The following CDK15 variants were observed in gnomAD, a reference collection of about 807,000 sequenced individuals.
CDK15 encodes the protein cyclin-dependent kinase 15.
In CDK15, 62 loss-of-function variants were observed where a neutral mutation model predicts 60.3. The ratio of observed to expected loss-of-function variants is 1.03; its 90% CI spans 0.84 to 1.27. The LOEUF is 1.27. Ranked by LOEUF, CDK15 falls within the 50% of genes most tolerant of loss-of-function variation. The probability of loss-of-function intolerance (pLI) is 0.00; values close to 1 mark genes in which losing one functional copy is unlikely to be tolerated. For missense variants in CDK15, 541 were observed against 527.8 expected (o/e 1.03, Z -0.25); for synonymous variants, 194 against 195.7 (o/e 0.99, Z 0.07).
intron 8 of CDK15, among the ~76,000 whole-genome samples, chr2:201,837,303 C>CAGAGAGAGAGAG (rs112414025): frequency 8.1e-6 from 1 of 123,598 alleles, no homozygotes; most frequent in Non-Finnish European, 1.7e-5. Flanking sequence ...AAGAAAGAAA[C>CAGAGAGAGAGAG]AGAGAGAGAG....
At chr2:201,828,530 C>T (rs1030316922) in intron 6 of CDK15, among the ~76,000 whole-genome samples, 6 of 100,398 alleles carry the variant, frequency 6.0e-5, no homozygotes, top group Non-Finnish European at 8.4e-5. Context: ...ATCAGGAATA[C>T]AGCTAAAAGT....
rs1231737320 is a variant in CDK15 at position 201,847,472 on chromosome 2, G to T, written c.943G>T (p.Glu315Ter). The change falls in exon 9 of 14, where the codon GAG becomes TAG. Residue 315 changes from glutamate (E) to a stop codon, truncating the protein, a stop_gained and splice_region_variant. Transcript: ENST00000652192. LOFTEE classifies it high-confidence loss of function. ...NILEQLEKIW[E>*]VLGVPTEDTW... ...CCTTGAACAGCTGGAGAAAATCTGG[G>T]AGGTAGGAGAATAATTCTTCTAAAG... The T allele has an allele frequency of 6.2e-7, 1 of 1,613,126 alleles. No individual in the cohort carries two copies. The highest frequency in any genetic ancestry group is 8.5e-7 in the Non-Finnish European group (1 of 1,179,342).
chr2:201,871,881 T>A (rs1159889125), intron 10 of CDK15, among the ~76,000 whole-genome samples: 2 of 152,018 alleles, frequency 1.3e-5, no homozygotes, highest in Non-Finnish European at 2.9e-5. Flanking sequence ...TCTCTTCGCC[T>A]CACCTTCTCT....
At chr2:201,885,225 CTTAG>C (rs1254358831) in intron 12 of CDK15, among the ~76,000 whole-genome samples, 1 of 152,192 alleles carries the variant, frequency 6.6e-6, no homozygotes, top group Non-Finnish European at 1.5e-5. Flanking sequence ...ACTAATCAAG[CTTAG>C]TTTCACTCTG....
chr2:201,851,418 C>T (rs1009119958), intron 9 of CDK15, among the ~76,000 whole-genome samples: 14 of 151,904 alleles, frequency 9.2e-5, no homozygotes, highest in Non-Finnish European at 1.3e-4. Context: ...AAGTTAGTGC[C>T]TTGTCGCTGC....
At chr2:201,833,804 G>T (rs185846952) in intron 6 of CDK15, 44 bp from the exon 7 acceptor site, 1 of 1,586,620 alleles carries the variant, frequency 6.3e-7, no homozygotes, top group Non-Finnish European at 8.6e-7. Flanking sequence ...AAATCAGCAC[G>T]TGGTGGCTCA....
chr2:201,862,041 C>T (rs772640059), intron 10 of CDK15, among the ~76,000 whole-genome samples: 21 of 152,306 alleles, frequency 1.4e-4, no homozygotes, highest in Non-Finnish European at 2.8e-4. Flanking sequence ...TGGCCTAAAC[C>T]TTGCCTGAAT....
At chr2:201,860,362 G>T (rs1383119406) in intron 10 of CDK15, among the ~76,000 whole-genome samples, 1 of 152,184 alleles carries the variant, frequency 6.6e-6, no homozygotes, top group Non-Finnish European at 1.5e-5. Context: ...CAATGCATTT[G>T]CCAAATTGGC....
At chr2:201,807,772 C>A (rs1695579660) in intron 2 of CDK15, 86 bp from the exon 3 acceptor site, 2 of 1,546,718 alleles carry the variant, frequency 1.3e-6, no homozygotes, top group African/African-American at 2.8e-5. Flanking sequence ...GTCTAATTTC[C>A]CTGGGGAAAA....
intron 10 of CDK15, chr2:201,861,168 G>T: frequency 9.8e-7 from 1 of 1,023,706 alleles, no homozygotes; most frequent in Non-Finnish European, 1.2e-6. Flanking sequence ...ACTTGAGGAA[G>T]TTACTTATTT....
At chr2:201,881,794 C>T (rs186062545) in intron 12 of CDK15, among the ~76,000 whole-genome samples, 22 of 152,268 alleles carry the variant, frequency 1.4e-4, no homozygotes, top group African/African-American at 4.8e-4. Context: ...TCCCCTCTTC[C>T]CAGTCCAAGC....
chr2:201,845,173 G>A (rs563995440), intron 8 of CDK15, among the ~76,000 whole-genome samples: 1 of 151,134 alleles, frequency 6.6e-6, no homozygotes, highest in South Asian at 2.1e-4. Context: ...AAAAAAATTG[G>A]CAATAAAAAC....
intron 10 of CDK15, among the ~76,000 whole-genome samples, chr2:201,870,444 C>T (rs1698807387): frequency 6.6e-6 from 1 of 150,506 alleles, no homozygotes; most frequent in Non-Finnish European, 1.5e-5. Context: ...AACGTTGGCT[C>T]ATGCCTGTAA....
intron 12 of CDK15, chr2:201,889,357 T>C: frequency 2.0e-6 from 2 of 984,050 alleles, no homozygotes; most frequent in Non-Finnish European, 2.4e-6. Context: ...GGTGACAATG[T>C]GGCTGCTGCC....
intron 12 of CDK15, 66 bp downstream of exon 12, chr2:201,880,233 G>A: frequency 6.4e-7 from 1 of 1,569,414 alleles, no homozygotes; most frequent in South Asian, 1.2e-5. Flanking sequence ...TGTAAGTCTT[G>A]GTGTCTTAAG....
chr2:201,829,856 G>A (rs1320310674), intron 6 of CDK15, among the ~76,000 whole-genome samples: 1 of 151,948 alleles, frequency 6.6e-6, no homozygotes, highest in Non-Finnish European at 1.5e-5. Context: ...TGCCCAGGCT[G>A]GAGTGCAGTG....
At chr2:201,879,937 A>G in intron 11 of CDK15, 91 bp from the exon 12 acceptor site, 5 of 1,476,874 alleles carry the variant, frequency 3.4e-6, no homozygotes, top group Non-Finnish European at 4.5e-6. Flanking sequence ...AAGTCTAGCC[A>G]TCTCCTTTTC....
chr2:201,868,578 A>G (rs974538492), intron 10 of CDK15, among the ~76,000 whole-genome samples: 1 of 152,198 alleles, frequency 6.6e-6, no homozygotes, highest in African/African-American at 2.4e-5. Context: ...TTCAATTTGC[A>G]TTGAGAAAAC....
chr2:201,838,725 C>T (rs1453903589), intron 8 of CDK15, among the ~76,000 whole-genome samples: 2 of 152,114 alleles, frequency 1.3e-5, no homozygotes, highest in Non-Finnish European at 2.9e-5. Context: ...AGCTTAATAA[C>T]GTGAACTTCA....
Sources: gnomAD v4.1 joint callset for allele counts (sites outside exome capture counted in the v4.1 genomes callset) on GRCh38, gnomAD v4.1.1 for gene constraint, MANE v1.5 for transcripts, NCBI Gene and HGNC (gene_info 2026-07-23, HGNC 2026-07-21) for gene names.